Variants in MYO1D observed in about 807,000 individuals in gnomAD.
MYO1D encodes the protein unconventional myosin-Id.
A neutral mutation model predicts 122.0 loss-of-function variants in MYO1D; 83 were observed. That is an observed-to-expected ratio of 0.68 (90% CI 0.57 to 0.82). The LOEUF is 0.82. MYO1D is among the 40% of genes least tolerant of loss of function. The pLI, the probability that MYO1D is intolerant of heterozygous loss-of-function variation, is 0.00. For missense variants in MYO1D, 1,157 were observed against 1,269.5 expected (o/e 0.91, Z 1.35); for synonymous variants, 464 against 446.9 (o/e 1.04, Z -0.48).
At chr17:32,619,544 T>A (rs1166801432) in intron 20 of MYO1D, among the ~76,000 whole-genome samples, 2 of 152,226 alleles carry the variant, frequency 1.3e-5, no homozygotes, top group Non-Finnish European at 2.9e-5. Context: ...CAGGGAAGAC[T>A]GTGATACATT....
intron 21 of MYO1D, among the ~76,000 whole-genome samples, chr17:32,543,622 T>C (rs572890641): frequency 1.3e-5 from 2 of 151,594 alleles, no homozygotes; most frequent in Non-Finnish European, 2.9e-5. Flanking sequence ...TAAAAATAAA[T>C]AAATAAATAA....
At chr17:32,509,681 C>G (rs986583985) in intron 21 of MYO1D, among the ~76,000 whole-genome samples, 2 of 152,088 alleles carry the variant, frequency 1.3e-5, no homozygotes, top group Non-Finnish European at 2.9e-5. Context: ...CTCCGCCTCC[C>G]AGGTTCAGGC....
At chr17:32,860,990 C>T (rs1456452269) in intron 1 of MYO1D, among the ~76,000 whole-genome samples, 3 of 152,152 alleles carry the variant, frequency 2.0e-5, no homozygotes, top group African/African-American at 7.2e-5. Context: ...CAACAAAACA[C>T]TGCCCTAGGG....
At chr17:32,669,420 C>G (rs959288495) in intron 16 of MYO1D, among the ~76,000 whole-genome samples, 6 of 152,202 alleles carry the variant, frequency 3.9e-5, no homozygotes, top group African/African-American at 1.4e-4. Context: ...AATCCCAGAT[C>G]CCCTATCTCA....
intron 21 of MYO1D, among the ~76,000 whole-genome samples, chr17:32,577,831 TG>T (rs1300169491): frequency 6.6e-6 from 1 of 152,000 alleles, no homozygotes; most frequent in African/African-American, 2.4e-5. Flanking sequence ...CTCTGCCTCC[TG>T]GGTTTATGCC....
At chr17:32,621,562 G>A (rs761032192) in intron 20 of MYO1D, among the ~76,000 whole-genome samples, 1 of 152,124 alleles carries the variant, frequency 6.6e-6, no homozygotes, top group Non-Finnish European at 1.5e-5. Context: ...GTTCCCATGT[G>A]TTCCTTATCA....
chr17:32,613,715 A>G (rs1043250764), intron 20 of MYO1D, among the ~76,000 whole-genome samples: 1 of 144,140 alleles, frequency 6.9e-6, no homozygotes, highest in African/African-American at 2.6e-5. Flanking sequence ...CAGAGATTGC[A>G]GTGAGCCGAA....
At chr17:32,866,904 A>G (rs73285636) in intron 1 of MYO1D, among the ~76,000 whole-genome samples, 204 of 152,238 alleles carry the variant, frequency 1.3e-3, no homozygotes, top group African/African-American at 4.6e-3. Flanking sequence ...CTGACATTCT[A>G]CCTCTTCCAT....
chr17:32,605,671 C>G (rs1177227880), intron 20 of MYO1D, among the ~76,000 whole-genome samples: 1 of 151,996 alleles, frequency 6.6e-6, no homozygotes, highest in African/African-American at 2.4e-5. Context: ...GAACTTATTG[C>G]CAATATCAGG....
Position 32,653,961 on chromosome 17 carries a change from G to A in MYO1D, c.2491-14C>T, listed in dbSNP as rs2088436347. 6.3e-7 allele frequency: 1 copy of A among 1,595,612 alleles called. No individual in the cohort carries two copies. The highest frequency in any genetic ancestry group is 2.2e-5 in the East Asian group (1 of 44,740). ...TGTATCTGGCTTCTGAAAGAGAAAG[G>A]AAACAAGACAAAATGAGTATGCTTA... On this transcript the variant is annotated splice_polypyrimidine_tract_variant and intron_variant, in intron 18 of 21. Coordinates refer to ENST00000318217, the MANE Select transcript of MYO1D (RefSeq NM_015194.3).
At chr17:32,828,529 AAAAAAAAAAAG>A (rs1475004327) in intron 1 of MYO1D, among the ~76,000 whole-genome samples, 1 of 151,012 alleles carries the variant, frequency 6.6e-6, no homozygotes, top group Non-Finnish European at 1.5e-5. Flanking sequence ...AAAAAAAAAA[AAAAAAAAAAAG>A]AAAGAAGACA....
At chr17:32,578,728 C>G (rs1319730579) in intron 21 of MYO1D, among the ~76,000 whole-genome samples, 1 of 152,204 alleles carries the variant, frequency 6.6e-6, no homozygotes, top group Non-Finnish European at 1.5e-5. Flanking sequence ...GGCTAGGTCT[C>G]CTTTAATGCG....
At chr17:32,605,300 A>C (rs1194255424) in intron 20 of MYO1D, 59 bp from the exon 21 acceptor site, 2 of 1,469,140 alleles carry the variant, frequency 1.4e-6, no homozygotes, top group Non-Finnish European at 1.8e-6. Context: ...ATGAATTAAA[A>C]AATACATTTT....
intron 1 of MYO1D, among the ~76,000 whole-genome samples, chr17:32,809,423 G>T (rs2090549590): frequency 6.8e-6 from 1 of 147,476 alleles, no homozygotes; most frequent in African/African-American, 2.5e-5. Flanking sequence ...ACTGTATCTG[G>T]CCTAGGCCTT....
intron 19 of MYO1D, among the ~76,000 whole-genome samples, chr17:32,641,454 T>C (rs181651341): frequency 5.5e-4 from 84 of 152,330 alleles, no homozygotes; most frequent in African/African-American, 1.9e-3. Flanking sequence ...TACCCAGTAA[T>C]GGGATGGCTG....
chr17:32,849,933 T>C (rs191625742), intron 1 of MYO1D, among the ~76,000 whole-genome samples: 1 of 152,324 alleles, frequency 6.6e-6, no homozygotes, highest in African/African-American at 2.4e-5. Flanking sequence ...CACTTCACTA[T>C]CATGACATGT....
intron 20 of MYO1D, among the ~76,000 whole-genome samples, chr17:32,608,127 A>T (rs893609464): frequency 6.6e-6 from 1 of 152,224 alleles, no homozygotes; most frequent in Non-Finnish European, 1.5e-5. Context: ...AAGCAAAAAA[A>T]TTGATAAATT....
chr17:32,814,111 C>T (rs909789006), intron 1 of MYO1D, among the ~76,000 whole-genome samples: 15 of 152,174 alleles, frequency 9.9e-5, no homozygotes, highest in Admixed American at 5.9e-4. Context: ...TCTGGGAGGC[C>T]GAGGTGGGCA....
intron 8 of MYO1D, among the ~76,000 whole-genome samples, chr17:32,762,005 G>A (rs2090006431): frequency 6.6e-6 from 1 of 151,980 alleles, no homozygotes; most frequent in Non-Finnish European, 1.5e-5. Flanking sequence ...TCTCTCACTT[G>A]CCCCCCACCT....
Sources: allele counts gnomAD v4.1 joint callset (sites outside exome capture counted in the v4.1 genomes callset), GRCh38; gene constraint gnomAD v4.1.1; transcripts MANE v1.5; gene names NCBI Gene and HGNC (gene_info 2026-07-23, HGNC 2026-07-21).